The following NTN4 variants were observed in gnomAD, a reference collection of about 807,000 sequenced individuals.
NTN4 encodes netrin 4.
NTN4 carries 32 observed loss-of-function variants against 73.6 expected under a neutral mutation model. That is an observed-to-expected ratio of 0.44 (90% CI 0.33 to 0.58). The LOEUF (loss-of-function observed/expected upper bound fraction) is 0.58. Among genes scored for constraint, NTN4 ranks in the 20% least tolerant of loss-of-function variants. The pLI is 0.04. For missense variants in NTN4, 654 were observed against 798.3 expected, an observed-to-expected ratio of 0.82 and a Z score of 2.18; for synonymous variants, 258 against 287.5, an observed-to-expected ratio of 0.90 and a Z score of 1.04.
At chr12:95,660,504 G>A (rs763343303) in intron 9 of NTN4, among the ~76,000 whole-genome samples, 54 of 151,706 alleles carry the variant, frequency 3.6e-4, no homozygotes, top group Non-Finnish European at 6.6e-4. Flanking sequence ...TGATGACCTT[G>A]TATTCAAAAT....
At chr12:95,715,018 A>G (rs1258691389) in intron 3 of NTN4, among the ~76,000 whole-genome samples, 1 of 152,076 alleles carries the variant, frequency 6.6e-6, no homozygotes, top group East Asian at 1.9e-4. Context: ...CATCTCATCC[A>G]GGACTTTCTT....
chr12:95,731,800 CT>C (rs1275082445), intron 3 of NTN4, among the ~76,000 whole-genome samples: 1 of 152,080 alleles, frequency 6.6e-6, no homozygotes, highest in East Asian at 1.9e-4. Context: ...AGAGAATGGG[CT>C]TTAGTGTCTG....
At chr12:95,729,077 A>T (rs1307253288) in intron 3 of NTN4, among the ~76,000 whole-genome samples, 1 of 152,124 alleles carries the variant, frequency 6.6e-6, no homozygotes, top group African/African-American at 2.4e-5. Context: ...CTCCTTTCTT[A>T]TAAGTTACCC....
chr12:95,710,266 C>T (rs569962835), intron 5 of NTN4, among the ~76,000 whole-genome samples, 175 bp downstream of exon 5: 1 of 152,248 alleles, frequency 6.6e-6, no homozygotes, highest in Non-Finnish European at 1.5e-5. Context: ...ATACTGTTTT[C>T]ACCCAACTGG....
At position 95,752,127 on chromosome 12, in the gene NTN4, T is replaced by G. The variant is rs190343090; in HGVS notation, c.586-13983A>C. 2.0e-5 allele frequency among the ~76,000 whole-genome samples: 3 copies of G among 152,046 alleles called. No homozygotes were observed. The South Asian group carries it at 6.3e-4, about 32-fold the overall frequency. On this transcript the variant is annotated intron_variant, in intron 2 of 9. Transcript: ENST00000343702. ...TCTTACCATCTCATTAAAACCTAATTACCCTTACCCCACTCAACGCCAATA... is the reference window on the plus strand; with the variant it reads ...TCTTACCATCTCATTAAAACCTAATGACCCTTACCCCACTCAACGCCAATA...
At chr12:95,737,830 A>T (rs368715259) in intron 3 of NTN4, 36 bp downstream of exon 3, 1 of 1,582,880 alleles carries the variant, frequency 6.3e-7, no homozygotes, top group South Asian at 1.2e-5. Context: ...GTAACTTATG[A>T]TTTGTTTTTC....
At chr12:95,667,732 T>C (rs2078192864) in intron 8 of NTN4, among the ~76,000 whole-genome samples, 1 of 151,920 alleles carries the variant, frequency 6.6e-6, no homozygotes, top group Non-Finnish European at 1.5e-5. Flanking sequence ...TGGTGGTGCA[T>C]GCTTGTAGTC....
chr12:95,677,497 A>T (rs536417632), intron 7 of NTN4, among the ~76,000 whole-genome samples: 1 of 152,372 alleles, frequency 6.6e-6, no homozygotes, highest in East Asian at 1.9e-4. Context: ...AATGCAATAC[A>T]TTAAATTATA....
Position 95,790,227 on chromosome 12 carries a change from GT to G in NTN4, c.55+27del. ...GGTTAGAGAAGCAGCGAGGGAAGGGGTGGGGGCCCCGCCGCGTCACCACCCA... is the reference window on the plus strand; with the variant it reads ...GGTTAGAGAAGCAGCGAGGGAAGGGGGGGGGCCCCGCCGCGTCACCACCCA... On this transcript the variant is annotated intron_variant, in intron 1 of 9. Transcript: ENST00000343702. This position sits in a 1 kb window ranked among gnomAD's most constrained non-coding sequence, Gnocchi z 6.5. The G allele has an allele frequency of 6.5e-7, 1 of 1,528,858 alleles. No homozygotes were observed. Among genetic ancestry groups the G allele is most frequent in the Non-Finnish European group, 8.8e-7 (1 of 1,136,984 alleles). 94.7% of individuals were successfully genotyped at this position (1,528,858 alleles called of 1,614,324 possible). A position where few individuals can be genotyped will look rare whatever the true frequency, so the allele number is the denominator to read the frequency against.
chr12:95,771,210 C>G (rs937120408), intron 2 of NTN4, among the ~76,000 whole-genome samples: 6 of 151,948 alleles, frequency 3.9e-5, no homozygotes, highest in African/African-American at 1.2e-4. Flanking sequence ...AGGATGGTCT[C>G]GATCTCCTGA....
chr12:95,717,079 G>A (rs1003474381), intron 3 of NTN4, among the ~76,000 whole-genome samples: 2 of 152,114 alleles, frequency 1.3e-5, no homozygotes, highest in African/African-American at 4.8e-5. Flanking sequence ...TAAAGGGTTG[G>A]GATCACAGGC....
At chr12:95,744,361 T>C (rs2078846862) in intron 2 of NTN4, among the ~76,000 whole-genome samples, 1 of 152,204 alleles carries the variant, frequency 6.6e-6, no homozygotes, top group African/African-American at 2.4e-5. Context: ...TCTTTTTTTA[T>C]CCTTTTACTT....
chr12:95,710,757 C>T (rs1452181768), intron 4 of NTN4, 128 bp from the exon 5 acceptor site: 8 of 808,850 alleles, frequency 9.9e-6, no homozygotes, highest in Non-Finnish European at 1.5e-5. Flanking sequence ...AATCCCAGCA[C>T]TTGTGGGAGG....
chr12:95,704,661 T>G (rs1488753816), intron 5 of NTN4, among the ~76,000 whole-genome samples: 4 of 152,144 alleles, frequency 2.6e-5, no homozygotes, highest in African/African-American at 9.7e-5. Flanking sequence ...GAGAACTGGA[T>G]GTGCTGATAA....
intron 2 of NTN4, among the ~76,000 whole-genome samples, chr12:95,779,657 G>A (rs1196041163): frequency 6.6e-6 from 1 of 151,748 alleles, no homozygotes; most frequent in African/African-American, 2.4e-5. Context: ...AAATAAAAGA[G>A]AATACAAACA....
At chr12:95,701,153 G>A (rs1483611716) in intron 5 of NTN4, among the ~76,000 whole-genome samples, 1 of 151,984 alleles carries the variant, frequency 6.6e-6, no homozygotes, top group Admixed American at 6.6e-5. Flanking sequence ...AAATCTACCT[G>A]TGTTATAGGT....
intron 7 of NTN4, chr12:95,672,950 T>C: frequency 8.9e-7 from 1 of 1,124,238 alleles, no homozygotes; most frequent in Non-Finnish European, 1.4e-6. Flanking sequence ...GGTATTCCCA[T>C]TGTCTGTAAA....
At chr12:95,778,588 T>C (rs1018261057) in intron 2 of NTN4, among the ~76,000 whole-genome samples, 2 of 152,130 alleles carry the variant, frequency 1.3e-5, no homozygotes, top group African/African-American at 4.8e-5. Context: ...CCTGGACACA[T>C]ACACCCTCCC....
intron 5 of NTN4, among the ~76,000 whole-genome samples, chr12:95,696,075 A>G (rs2078439674): frequency 1.3e-5 from 2 of 148,634 alleles, no homozygotes; most frequent in South Asian, 2.1e-4. Context: ...TGTATTTCCA[A>G]TCTATGCAGG....
Sources: gnomAD v4.1 joint callset for allele counts (sites outside exome capture counted in the v4.1 genomes callset) on GRCh38, gnomAD v4.1.1 for gene constraint, Gnocchi (gnomAD v3.1) non-coding constraint, MANE v1.5 for transcripts, NCBI Gene and HGNC (gene_info 2026-07-23, HGNC 2026-07-21) for gene names.